BCR: variants seen among roughly 807,000 people sequenced by gnomAD.
BCR encodes breakpoint cluster region protein.
BCR carries 58 observed loss-of-function variants against 138.6 expected under a neutral mutation model. That is an observed-to-expected ratio of 0.42 (90% CI 0.34 to 0.52). BCR has a LOEUF of 0.52. BCR is among the 20% of genes least tolerant of loss of function. The pLI, the probability that BCR is intolerant of heterozygous loss-of-function variation, is 0.06. For synonymous variants in BCR, 786 were observed against 730.1 expected, an observed-to-expected ratio of 1.08 and a Z score of -1.23; for missense variants, 1,599 against 1,727.2, an observed-to-expected ratio of 0.93 and a Z score of 1.32.
Position 23,311,983 on chromosome 22 carries a change from G to T in BCR, c.3322+147G>T. 2.1e-6 allele frequency: 3 copies of T among 1,407,878 alleles called. No individual in the cohort carries two copies. In the East Asian group the frequency reaches 7.6e-5, roughly 35 times the overall value. The allele number at this position is 1,407,878 out of a possible 1,614,324, so 87.2% of individuals were successfully genotyped here. A position where few individuals can be genotyped will look rare whatever the true frequency, so the allele number is the denominator to read the frequency against. On this transcript the variant is annotated intron_variant, in intron 19 of 22. Coordinates refer to ENST00000305877, the MANE Select transcript of BCR (RefSeq NM_004327.4). ...GTGTTATTATTTTTAAAAAAGAGAAGACAAGAGTTGTAGAAAAAGCCTCTG... is the reference window on the plus strand; with the variant it reads ...GTGTTATTATTTTTAAAAAAGAGAATACAAGAGTTGTAGAAAAAGCCTCTG...
At chr22:23,270,284 C>T (rs997671217) in intron 5 of BCR, among the ~76,000 whole-genome samples, 9 of 152,122 alleles carry the variant, frequency 5.9e-5, no homozygotes, top group Non-Finnish European at 1.3e-4. Context: ...TTCCATGGAA[C>T]ACCAGCTCTC....
rs192550417 is a variant in BCR, at chr22:23,259,025, G to A, written c.1462-1925G>A. On this transcript the variant is annotated intron_variant, in intron 2 of 22. Transcript: ENST00000305877. ...AACAAAGGGAGCACGGCCTCAGCCCGGTGGAGCACTGAGGTGCTGCCATGG... is the reference window on the plus strand; with the variant it reads ...AACAAAGGGAGCACGGCCTCAGCCCAGTGGAGCACTGAGGTGCTGCCATGG... Among the ~76,000 whole-genome samples the A allele has an allele frequency of 2.2e-4, 34 of 152,298 alleles. 1 individual carries two copies. The highest frequency in any genetic ancestry group is 5.8e-4 in the African/African-American group (24 of 41,578).
intron 18 of BCR, among the ~76,000 whole-genome samples, chr22:23,311,229 G>A (rs2074003525): frequency 6.8e-6 from 1 of 146,450 alleles, no homozygotes; most frequent in East Asian, 2.0e-4. Flanking sequence ...AGGACTTGGA[G>A]CACCGGTGCT....
At chr22:23,252,894 A>G (rs1433463556) in intron 1 of BCR, among the ~76,000 whole-genome samples, 2 of 152,182 alleles carry the variant, frequency 1.3e-5, no homozygotes, top group African/African-American at 2.4e-5. Flanking sequence ...TACAATTTCA[A>G]CTCAGTTTTG....
chr22:23,266,325 G>A (rs2146282166), intron 4 of BCR, among the ~76,000 whole-genome samples: 1 of 152,094 alleles, frequency 6.6e-6, no homozygotes, highest in South Asian at 2.1e-4. Context: ...CTGACCTCAG[G>A]TGACCCGCCC....
intron 16 of BCR, among the ~76,000 whole-genome samples, chr22:23,298,662 C>T (rs1465966803): frequency 6.6e-6 from 1 of 152,116 alleles, no homozygotes; most frequent in Admixed American, 6.5e-5. Context: ...GCGGTGCCAT[C>T]TCAGCTTACT....
At chr22:23,184,143 C>T (rs1376797089) in intron 1 of BCR, among the ~76,000 whole-genome samples, 1 of 152,196 alleles carries the variant, frequency 6.6e-6, no homozygotes, top group Non-Finnish European at 1.5e-5. Flanking sequence ...GGTTGGAATG[C>T]AGTAGTATGA....
At chr22:23,240,907 C>A (rs2073082629) in intron 1 of BCR, among the ~76,000 whole-genome samples, 1 of 152,168 alleles carries the variant, frequency 6.6e-6, no homozygotes, top group African/African-American at 2.4e-5. Context: ...ACTCTAGGAA[C>A]CTCATATACG....
intron 1 of BCR, 26 bp downstream of exon 1, chr22:23,182,265 G>C: frequency 6.6e-7 from 1 of 1,521,658 alleles, no homozygotes; most frequent in Non-Finnish European, 8.8e-7. Context: ...CACGTGCGTG[G>C]GCACACCTGC....
intron 1 of BCR, among the ~76,000 whole-genome samples, chr22:23,219,637 C>T (rs1158132267): frequency 1.3e-5 from 2 of 152,246 alleles, no homozygotes; most frequent in Non-Finnish European, 2.9e-5. Context: ...CTCGTGGGCA[C>T]TGGCGGTGCG....
intron 10 of BCR, among the ~76,000 whole-genome samples, chr22:23,286,501 TC>T (rs2073714834): frequency 6.6e-6 from 1 of 152,092 alleles, no homozygotes; most frequent in Non-Finnish European, 1.5e-5. Flanking sequence ...GGGTAGGGTG[TC>T]CCCACACAGA....
At chr22:23,302,494 G>A (rs2073913819) in intron 16 of BCR, 1 of 152,284 alleles carries the variant, frequency 6.6e-6, no homozygotes. Context: ...AAGCAGTGTG[G>A]GGGCTGTAGG....
chr22:23,254,627 G>T (rs752102217), intron 2 of BCR: 5 of 517,200 alleles, frequency 9.7e-6, no homozygotes. Flanking sequence ...GTGCTGGACC[G>T]CCCGGCCCTG....
At chr22:23,282,137 G>A (rs1209312218) in intron 8 of BCR, among the ~76,000 whole-genome samples, 2 of 152,246 alleles carry the variant, frequency 1.3e-5, no homozygotes, top group Non-Finnish European at 2.9e-5. Flanking sequence ...CTGCCAAGAG[G>A]ACCTACTGCA....
At chr22:23,311,952 T>C in intron 19 of BCR, 116 bp downstream of exon 19, 3 of 1,471,270 alleles carry the variant, frequency 2.0e-6, no homozygotes, top group Non-Finnish European at 2.7e-6. Context: ...CTTTTCTTCA[T>C]TTACTGTGTT....
intron 16 of BCR, among the ~76,000 whole-genome samples, chr22:23,301,498 C>A (rs2073901911): frequency 6.6e-6 from 1 of 152,326 alleles, no homozygotes; most frequent in Admixed American, 6.5e-5. Context: ...TGTCCCATAC[C>A]CCGTCCCATG....
At chr22:23,252,652 A>G (rs1167381199) in intron 1 of BCR, among the ~76,000 whole-genome samples, 3 of 151,702 alleles carry the variant, frequency 2.0e-5, no homozygotes, top group African/African-American at 7.3e-5. Flanking sequence ...GCTGGTCTCG[A>G]ACTCCTGACC....
At chr22:23,292,498 G>A in intron 14 of BCR, 43 bp from the exon 15 acceptor site, 1 of 1,446,766 alleles carries the variant, frequency 6.9e-7, no homozygotes, top group Middle Eastern at 1.7e-4. Context: ...TGGGTGATGT[G>A]GAAAAGACCT....
chr22:23,205,046 C>T (rs2072595891), intron 1 of BCR, among the ~76,000 whole-genome samples: 3 of 152,180 alleles, frequency 2.0e-5, no homozygotes, highest in Non-Finnish European at 2.9e-5. Flanking sequence ...CCATAATTTA[C>T]CTTTGTTACA....
Sources: gnomAD v4.1 joint callset for allele counts (sites outside exome capture counted in the v4.1 genomes callset) on GRCh38, gnomAD v4.1.1 for gene constraint, MANE v1.5 for transcripts, NCBI Gene and HGNC (gene_info 2026-07-23, HGNC 2026-07-21) for gene names.